Variants in HBS1L observed in about 807,000 individuals in gnomAD.
HBS1L encodes HBS1-like protein.
In HBS1L, 55 loss-of-function variants were observed where a neutral mutation model predicts 88.9. The ratio of observed to expected loss-of-function variants is 0.62; its 90% CI spans 0.50 to 0.77. HBS1L has a LOEUF of 0.77. Among genes scored for constraint, HBS1L ranks in the 30% least tolerant of loss-of-function variants. The pLI, the probability that HBS1L is intolerant of heterozygous loss-of-function variation, is 0.00. For missense variants in HBS1L, 741 were observed against 829.3 expected (o/e 0.89, Z 1.31); for synonymous variants, 267 against 288.5 (o/e 0.93, Z 0.76).
In HBS1L at chr6:135,001,775, A is replaced by G. The variant is rs148724932; in HGVS notation, c.539+959T>C. ...CTTCACTGACTTTGAAATCTAGTGAATAAAGTCTTGTTTCTATAAAATCCA... is the reference window on the plus strand; with the variant it reads ...CTTCACTGACTTTGAAATCTAGTGAGTAAAGTCTTGTTTCTATAAAATCCA... On this transcript the variant is annotated intron_variant, in intron 5 of 17. Coordinates refer to ENST00000367837, the MANE Select transcript of HBS1L (RefSeq NM_006620.4). Among the ~76,000 whole-genome samples the G allele has an allele frequency of 8.6e-3, 1,310 of 152,258 alleles. 12 individuals carry two copies. Among genetic ancestry groups the G allele is most frequent in the African/African-American group, 0.03 (1,232 of 41,550 alleles).
Position 134,965,146 on chromosome 6 carries a change from T to G in HBS1L, c.*133A>C, listed in dbSNP as rs1208297809. ...TTATTAATACTTCTTTGCAGCTAAT[T>G]TTAGCTTTAATTTTTCTCTCTCATC... On this transcript the variant is annotated 3_prime_UTR_variant, in exon 18 of 18. Coordinates refer to ENST00000367837, the MANE Select transcript of HBS1L (RefSeq NM_006620.4). 17 of 800,884 alleles carry G rather than the reference T, an allele frequency of 2.1e-5. No homozygotes were observed. Among genetic ancestry groups the G allele is most frequent in the Admixed American group, 4.6e-5 (2 of 43,888 alleles). 49.6% of individuals were successfully genotyped at this position (800,884 alleles called of 1,614,324 possible).
In HBS1L at chr6:134,964,822, G is replaced by GAAAAAAAAAAAAAAAA. The variant is rs57393645; in HGVS notation, c.*441_*456dup. 1 of 84,380 alleles carries GAAAAAAAAAAAAAAAA rather than the reference G, an allele frequency of 1.2e-5. No individual in the cohort carries two copies. Among genetic ancestry groups the GAAAAAAAAAAAAAAAA allele is most frequent in the Non-Finnish European group, 2.4e-5 (1 of 42,460 alleles). 5.2% of individuals were successfully genotyped at this position (84,380 alleles called of 1,614,324 possible). ...CCAAATCTTTTCTTAGCATTAACTG[G>GAAAAAAAAAAAAAAAA]AAAAAAAAAAAAAAAAAAAGCTTAG... On this transcript the variant is annotated 3_prime_UTR_variant, in exon 18 of 18. Transcript: ENST00000367837.
intron 4 of HBS1L, among the ~76,000 whole-genome samples, chr6:135,025,447 T>C (rs539155094): frequency 2.6e-5 from 4 of 152,214 alleles, no homozygotes; most frequent in African/African-American, 9.6e-5. Flanking sequence ...AAGGAAATCA[T>C]AAAAACCTTC....
At chr6:135,032,532 C>G (rs1776418264) in intron 4 of HBS1L, among the ~76,000 whole-genome samples, 1 of 152,040 alleles carries the variant, frequency 6.6e-6, no homozygotes, top group African/African-American at 2.4e-5. Context: ...ATAAAACTGA[C>G]TTTATAACCA....
At chr6:134,970,093 G>T (rs1015304434) in intron 15 of HBS1L, among the ~76,000 whole-genome samples, 1 of 152,124 alleles carries the variant, frequency 6.6e-6, no homozygotes, top group African/African-American at 2.4e-5. Context: ...AGACAGACCT[G>T]GGTTCAAGTC....
intron 5 of HBS1L, 60 bp from the exon 6 acceptor site, chr6:134,997,716 A>T (rs4895439): frequency 0.5 from 733,662 of 1,468,310 alleles, 184,909 homozygotes; most frequent in South Asian, 0.57. Flanking sequence ...TCCTACAATG[A>T]CAGAAGGGCA....
At chr6:135,029,065 GA>G (rs1164919186) in intron 4 of HBS1L, among the ~76,000 whole-genome samples, 1 of 151,986 alleles carries the variant, frequency 6.6e-6, no homozygotes, top group African/African-American at 2.4e-5. Flanking sequence ...AGATGGTGGA[GA>G]AATGGGATTC....
At chr6:135,002,634 T>C (rs965134411) in intron 5 of HBS1L, 100 bp downstream of exon 5, 72 of 690,206 alleles carry the variant, frequency 1.0e-4, no homozygotes, top group Non-Finnish European at 1.5e-4. Flanking sequence ...GCTAATGATA[T>C]ATTATGCGAA....
chr6:135,012,983 T>C (rs1353903501), intron 4 of HBS1L, among the ~76,000 whole-genome samples: 5 of 152,180 alleles, frequency 3.3e-5, no homozygotes, highest in Non-Finnish European at 5.9e-5. Flanking sequence ...TGCATACTTT[T>C]CATACCCTCA....
chr6:135,000,084 G>A lies in HBS1L; in HGVS notation c.540-2428C>T, dbSNP rs771609002. On this transcript the variant is annotated intron_variant, in intron 5 of 17. Transcript: ENST00000367837. ...TCTTTCTGTTTTTTGAGATGGTCTC[G>A]CTCTCGCTGTGTTGCCCAGGCTGGA... 3.2e-4 allele frequency among the ~76,000 whole-genome samples: 49 copies of A among 150,906 alleles called. 1 individual carries two copies. The highest frequency in any genetic ancestry group is 5.0e-4 in the Non-Finnish European group (34 of 67,750).
At chr6:135,009,570 G>A (rs1419032138) in intron 4 of HBS1L, among the ~76,000 whole-genome samples, 1 of 152,086 alleles carries the variant, frequency 6.6e-6, no homozygotes, top group African/African-American at 2.4e-5. Flanking sequence ...AAGATCTTTT[G>A]CAGATTATGT....
At chr6:135,054,145 C>T (rs1777172579) in intron 1 of HBS1L, among the ~76,000 whole-genome samples, 1 of 152,230 alleles carries the variant, frequency 6.6e-6, no homozygotes, top group South Asian at 2.1e-4. Flanking sequence ...TTAGCGCAAA[C>T]TGATTCTGCA....
intron 17 of HBS1L, among the ~76,000 whole-genome samples, 158 bp from the exon 18 acceptor site, chr6:134,965,448 C>T (rs1332148588): frequency 6.6e-6 from 1 of 152,180 alleles, no homozygotes; most frequent in Non-Finnish European, 1.5e-5. Flanking sequence ...GCCATTTCTG[C>T]AATTTACTAT....
intron 15 of HBS1L, among the ~76,000 whole-genome samples, chr6:134,971,453 A>G (rs1171126742): frequency 6.6e-6 from 1 of 152,234 alleles, no homozygotes; most frequent in African/African-American, 2.4e-5. Context: ...CAAATTTGAA[A>G]GAACAGAAGC....
chr6:135,014,389 C>T (rs1304813936), intron 4 of HBS1L, among the ~76,000 whole-genome samples: 2 of 152,074 alleles, frequency 1.3e-5, no homozygotes, highest in South Asian at 2.1e-4. Context: ...ATGTTCTTGG[C>T]ACTGAGGACA....
intron 5 of HBS1L, among the ~76,000 whole-genome samples, chr6:135,000,193 C>G (rs573498050): frequency 6.7e-6 from 1 of 149,324 alleles, no homozygotes; most frequent in East Asian, 2.0e-4. Flanking sequence ...GTAGCTGGGA[C>G]CACAGGCAAG....
At chr6:135,034,544 T>C (rs1412978986) in intron 4 of HBS1L, among the ~76,000 whole-genome samples, 4 of 152,138 alleles carry the variant, frequency 2.6e-5, no homozygotes, top group Non-Finnish European at 5.9e-5. Context: ...CTCGGGGGGC[T>C]GACACAGGAG....
chr6:134,967,825 A>G (rs755272008), intron 16 of HBS1L, among the ~76,000 whole-genome samples: 5 of 152,242 alleles, frequency 3.3e-5, no homozygotes, highest in Non-Finnish European at 7.3e-5. Context: ...ATTGCTAAGA[A>G]TATACATTAT....
intron 4 of HBS1L, among the ~76,000 whole-genome samples, chr6:135,012,133 G>A (rs1775794180): frequency 6.6e-6 from 1 of 152,044 alleles, no homozygotes. Flanking sequence ...TGTTCACTGT[G>A]TTACCATATG....
Sources: allele counts gnomAD v4.1 joint callset (sites outside exome capture counted in the v4.1 genomes callset), GRCh38; gene constraint gnomAD v4.1.1; transcripts MANE v1.5; gene names NCBI Gene and HGNC (gene_info 2026-07-23, HGNC 2026-07-21).